Variants in NIM1K observed in about 807,000 individuals in gnomAD.
NIM1K encodes the protein serine/threonine-protein kinase NIM1.
In NIM1K, 35 loss-of-function variants were observed where a neutral mutation model predicts 37.1. The observed-to-expected ratio is 0.94, with a 90% confidence interval of 0.72 to 1.25. The LOEUF is 1.25. Among genes scored for constraint, NIM1K ranks in the 50% most tolerant of loss-of-function variants. The probability of loss-of-function intolerance (pLI) is 0.00; values close to 1 mark genes in which losing one functional copy is unlikely to be tolerated. For missense variants in NIM1K, 564 were observed against 548.0 expected (o/e 1.03, Z -0.29); for synonymous variants, 234 against 206.6 (o/e 1.13, Z -1.14).
intron 1 of NIM1K, among the ~76,000 whole-genome samples, chr5:43,234,235 GTCATTCTTTCATTCAT>G (rs1752584112): frequency 1.9e-5 from 2 of 105,436 alleles, no homozygotes; most frequent in Admixed American, 2.4e-4. Context: ...GTCATGTCGT[GTCATTCTTTCATTCAT>G]TCATTCATTC....
chr5:43,253,068 C>G (rs1010302650), intron 2 of NIM1K, among the ~76,000 whole-genome samples: 1 of 148,676 alleles, frequency 6.7e-6, no homozygotes, highest in African/African-American at 2.5e-5. Context: ...GCCTTGGACT[C>G]CTGGGCTCAA....
intron 1 of NIM1K, among the ~76,000 whole-genome samples, chr5:43,234,821 G>T (rs963649866): frequency 6.6e-6 from 1 of 152,048 alleles, no homozygotes; most frequent in Non-Finnish European, 1.5e-5. Context: ...TTTTGGTAGA[G>T]GCAGGGTTTC....
chr5:43,232,302 T>A (rs1752551277), intron 1 of NIM1K: 1 of 1,204,226 alleles, frequency 8.3e-7, no homozygotes, highest in Non-Finnish European at 1.2e-6. Context: ...GCACTGGCAG[T>A]CTCTGCTACA....
chr5:43,273,333 A>G (rs902078920), intron 2 of NIM1K, among the ~76,000 whole-genome samples: 1 of 151,882 alleles, frequency 6.6e-6, no homozygotes, highest in Middle Eastern at 3.4e-3. Flanking sequence ...CCTCCCAAGT[A>G]GCCAGAATTA....
At chr5:43,263,820 G>T (rs1370748333) in intron 2 of NIM1K, among the ~76,000 whole-genome samples, 1 of 152,162 alleles carries the variant, frequency 6.6e-6, no homozygotes, top group Non-Finnish European at 1.5e-5. Context: ...GGTACGTTGT[G>T]TCTGTGTTCT....
intron 1 of NIM1K, chr5:43,233,163 C>T (rs11748138): frequency 0.18 from 223,429 of 1,275,288 alleles, 21,309 homozygotes; most frequent in Admixed American, 0.22. Flanking sequence ...GATGGAGATG[C>T]GGTCACGCAT....
At chr5:43,204,892 A>T (rs1230779273) in intron 1 of NIM1K, among the ~76,000 whole-genome samples, 1 of 152,118 alleles carries the variant, frequency 6.6e-6, no homozygotes, top group Non-Finnish European at 1.5e-5. Context: ...GCTACTTGGG[A>T]GACTGAGGTG....
At chr5:43,213,183 TTCTTTCTTTCTTTCTTTCTTTCTTTC>T (rs1561074678) in intron 1 of NIM1K, among the ~76,000 whole-genome samples, 5 of 75,830 alleles carry the variant, frequency 6.6e-5, no homozygotes, top group African/African-American at 1.9e-4. Flanking sequence ...CTTTCTTTCT[TTCTTTCTTTCTTTCTTTCTTTCTTTC>T]TTTCTTTCTT....
At chr5:43,273,191 G>C (rs564353499) in intron 2 of NIM1K, among the ~76,000 whole-genome samples, 13 of 150,572 alleles carry the variant, frequency 8.6e-5, no homozygotes, top group Non-Finnish European at 1.8e-4. Flanking sequence ...CTCACATCTT[G>C]CCAGAGTGCT....
intron 1 of NIM1K, among the ~76,000 whole-genome samples, chr5:43,200,296 T>A (rs1414480029): frequency 1.3e-5 from 2 of 151,930 alleles, no homozygotes; most frequent in African/African-American, 2.4e-5. Flanking sequence ...AAGTAGTAGT[T>A]ATTTTATTTT....
In NIM1K at chr5:43,236,685, G is replaced by A. The variant is rs111282607; in HGVS notation, c.-694-8397G>A. On this transcript the variant is annotated intron_variant, in intron 1 of 3. Coordinates refer to ENST00000326035, the MANE Select transcript of NIM1K (RefSeq NM_153361.4). ...GGCGTTTGAGTCTGTGGCATTGATG[G>A]CAAAGGGAACCTCAAGTGTTGTAGA... Among the ~76,000 whole-genome samples, 22 of 152,322 alleles carry A rather than the reference G, an allele frequency of 1.4e-4. 1 individual carries two copies. Among genetic ancestry groups the A allele is most frequent in the African/African-American group, 4.6e-4 (19 of 41,572 alleles).
chr5:43,206,727 A>G (rs1752119047), intron 1 of NIM1K: 1 of 730,806 alleles, frequency 1.4e-6, no homozygotes, highest in Admixed American at 1.9e-5. Flanking sequence ...GCAGCACAGC[A>G]CACTTGACTT....
At chr5:43,237,643 C>T (rs1461291746) in intron 1 of NIM1K, among the ~76,000 whole-genome samples, 1 of 152,132 alleles carries the variant, frequency 6.6e-6, no homozygotes, top group African/African-American at 2.4e-5. Flanking sequence ...TAGAGCAACC[C>T]CACAACCTGT....
chr5:43,257,360 C>T, intron 2 of NIM1K, among the ~76,000 whole-genome samples: 1 of 117,910 alleles, frequency 8.5e-6, no homozygotes, highest in African/African-American at 3.3e-5. Context: ...AGTAAAGTGA[C>T]TCTTTTTTTT....
chr5:43,263,284 AG>A (rs1210641554), intron 2 of NIM1K, among the ~76,000 whole-genome samples: 1 of 152,188 alleles, frequency 6.6e-6, no homozygotes, highest in Non-Finnish European at 1.5e-5. Context: ...CCTCAATTTC[AG>A]AACCTGTTAC....
chr5:43,202,412 A>G (rs150716869), intron 1 of NIM1K, among the ~76,000 whole-genome samples: 10 of 152,320 alleles, frequency 6.6e-5, no homozygotes, highest in Admixed American at 1.3e-4. Context: ...TATAGCTGAA[A>G]GAGACAAAGT....
intron 2 of NIM1K, among the ~76,000 whole-genome samples, chr5:43,257,027 G>C (rs1339609656): frequency 6.6e-6 from 1 of 152,126 alleles, no homozygotes; most frequent in Non-Finnish European, 1.5e-5. Flanking sequence ...GAATCACCAA[G>C]GAGGTGATTG....
At chr5:43,258,091 T>G (rs1258350624) in intron 2 of NIM1K, among the ~76,000 whole-genome samples, 1 of 152,214 alleles carries the variant, frequency 6.6e-6, no homozygotes, top group Non-Finnish European at 1.5e-5. Flanking sequence ...CACCTGCTCG[T>G]CATCCTCCAT....
Position 43,277,073 on chromosome 5 carries a change from G to A in NIM1K, c.309G>A (p.Lys103=), listed in dbSNP as rs1477408261. ...HSLTKEKVAI[K]ILDKTKLDQK... ...TCCTTGCAGAAAAGGTGGCCATTAAGATCCTGGACAAGACCAAGTTAGACC... is the reference window on the plus strand; with the variant it reads ...TCCTTGCAGAAAAGGTGGCCATTAAAATCCTGGACAAGACCAAGTTAGACC... The change falls in exon 3 of 4, where the codon AAG becomes AAA. Residue 103 remains lysine (K), a synonymous_variant. Coordinates refer to ENST00000326035, the MANE Select transcript of NIM1K (RefSeq NM_153361.4). 5 of 1,613,290 alleles carry A rather than the reference G, an allele frequency of 3.1e-6. No individual in the cohort carries two copies. The highest frequency in any genetic ancestry group is 4.2e-6 in the Non-Finnish European group (5 of 1,179,852).
Sources: gnomAD v4.1 joint callset for allele counts (sites outside exome capture counted in the v4.1 genomes callset) on GRCh38, gnomAD v4.1.1 for gene constraint, MANE v1.5 for transcripts, NCBI Gene and HGNC (gene_info 2026-07-23, HGNC 2026-07-21) for gene names.